CNTNAP2: variants seen among roughly 807,000 people sequenced by gnomAD.
CNTNAP2 encodes contactin-associated protein-like 2.
CNTNAP2 carries 98 observed loss-of-function variants against 155.2 expected under a neutral mutation model. That is an observed-to-expected ratio of 0.63 (90% CI 0.54 to 0.75). CNTNAP2 has a LOEUF of 0.75. CNTNAP2 is among the 30% of genes least tolerant of loss of function. The pLI is 0.00. For missense variants in CNTNAP2, 1,727 were observed against 1,688.1 expected (o/e 1.02, Z -0.40); for synonymous variants, 651 against 631.2 (o/e 1.03, Z -0.47).
intron 14 of CNTNAP2, among the ~76,000 whole-genome samples, chr7:147,918,916 G>A (rs1415384938): frequency 6.6e-6 from 1 of 152,104 alleles, no homozygotes; most frequent in Admixed American, 6.6e-5. Flanking sequence ...GTGGCAGAAG[G>A]GACTTTGCAG....
At chr7:146,741,207 A>G (rs1354509846) in intron 1 of CNTNAP2, among the ~76,000 whole-genome samples, 2 of 152,184 alleles carry the variant, frequency 1.3e-5, no homozygotes, top group African/African-American at 2.4e-5. Context: ...TTGTACTACA[A>G]CGAGGCACTG....
At chr7:147,809,226 C>CTCCTTG (rs1798142705) in intron 13 of CNTNAP2, among the ~76,000 whole-genome samples, 1 of 152,142 alleles carries the variant, frequency 6.6e-6, no homozygotes, top group East Asian at 1.9e-4. Flanking sequence ...TCTGTTTTCT[C>CTCCTTG]TCCTTGTTTC....
At chr7:147,779,292 C>G (rs190384766) in intron 13 of CNTNAP2, among the ~76,000 whole-genome samples, 1 of 152,068 alleles carries the variant, frequency 6.6e-6, no homozygotes, top group Non-Finnish European at 1.5e-5. Flanking sequence ...GGATTGAAGA[C>G]GGGAGATTAG....
chr7:146,658,435 T>A (rs952814703), intron 1 of CNTNAP2, among the ~76,000 whole-genome samples: 3 of 151,484 alleles, frequency 2.0e-5, no homozygotes, highest in Non-Finnish European at 2.9e-5. Context: ...AGTATTCAGC[T>A]AAAAGGAATA....
At chr7:147,683,653 C>T (rs1193661549) in intron 13 of CNTNAP2, among the ~76,000 whole-genome samples, 1 of 151,238 alleles carries the variant, frequency 6.6e-6, no homozygotes, top group African/African-American at 2.4e-5. Context: ...ATAAAAGATG[C>T]CTAACTAATA....
chr7:146,856,041 AC>A (rs1794975314), intron 3 of CNTNAP2, among the ~76,000 whole-genome samples: 1 of 149,862 alleles, frequency 6.7e-6, no homozygotes, highest in Admixed American at 6.7e-5. Flanking sequence ...GTTAAATTAA[AC>A]ACACCTTGTT....
At chr7:147,922,558 T>C (rs1800302391) in intron 14 of CNTNAP2, among the ~76,000 whole-genome samples, 1 of 152,202 alleles carries the variant, frequency 6.6e-6, no homozygotes, top group South Asian at 2.1e-4. Flanking sequence ...AGCTTAGATT[T>C]TTTTCTAGTG....
chr7:147,419,713 G>A (rs747394171), intron 10 of CNTNAP2, among the ~76,000 whole-genome samples: 17 of 152,112 alleles, frequency 1.1e-4, no homozygotes, highest in Admixed American at 2.0e-4. Context: ...CAGTGTTTTT[G>A]TAGGTGTTGG....
intron 11 of CNTNAP2, among the ~76,000 whole-genome samples, chr7:147,530,488 T>C (rs747105040): frequency 6.6e-6 from 1 of 152,084 alleles, no homozygotes; most frequent in Non-Finnish European, 1.5e-5. Flanking sequence ...GAAAGGCATT[T>C]CTTACATGGC....
intron 1 of CNTNAP2, among the ~76,000 whole-genome samples, chr7:146,690,134 C>A (rs563372671): frequency 4.6e-5 from 7 of 152,122 alleles, no homozygotes; most frequent in African/African-American, 1.7e-4. Context: ...TTCCTATCTG[C>A]AAGAATTCCA....
chr7:146,118,457 T>A (rs533885872), intron 1 of CNTNAP2, among the ~76,000 whole-genome samples: 1 of 152,280 alleles, frequency 6.6e-6, no homozygotes, highest in Admixed American at 6.5e-5. Context: ...GGGAAACTAG[T>A]TTGATGAAAT....
chr7:147,609,437 G>T (rs143679594), intron 12 of CNTNAP2, among the ~76,000 whole-genome samples: 2 of 152,022 alleles, frequency 1.3e-5, no homozygotes, highest in African/African-American at 4.8e-5. Context: ...AGGCTGAGGC[G>T]GGAGAATGGT....
chr7:147,509,262 C>T (rs1424181203), intron 11 of CNTNAP2, among the ~76,000 whole-genome samples: 2 of 152,080 alleles, frequency 1.3e-5, no homozygotes, highest in Admixed American at 6.6e-5. Context: ...CTGTGCAGAC[C>T]GTGTCATAGA....
At chr7:146,264,246 C>T (rs1799961103) in intron 1 of CNTNAP2, among the ~76,000 whole-genome samples, 1 of 151,978 alleles carries the variant, frequency 6.6e-6, no homozygotes, top group Admixed American at 6.5e-5. Context: ...GAGTTTGAAA[C>T]CAGTCTGGCC....
intron 3 of CNTNAP2, among the ~76,000 whole-genome samples, chr7:146,849,187 T>G (rs1056563445): frequency 7.9e-5 from 12 of 152,188 alleles, no homozygotes; most frequent in African/African-American, 2.9e-4. Context: ...ACCTTGGAGT[T>G]TATGCAGTCG....
In CNTNAP2 at chr7:146,721,890, T is replaced by TATATATA. The variant is rs1491454260; in HGVS notation, c.98-52381_98-52380insATATATA. 2.3e-3 allele frequency among the ~76,000 whole-genome samples: 171 copies of TATATATA among 75,584 alleles called. 25 individuals are homozygous for TATATATA. The highest frequency in any genetic ancestry group is 9.8e-3 in the African/African-American group (111 of 11,360). The allele number at this position is 75,584 out of a possible 152,430, so 49.6% of individuals were successfully genotyped here. On this transcript the variant is annotated intron_variant, in intron 1 of 23. Coordinates refer to ENST00000361727, the MANE Select transcript of CNTNAP2 (RefSeq NM_014141.6). ...GTGTGTGTGTGTATATATATATATATTTTTTTTTTTTTTTTTGAGATGGAA... is the reference window on the plus strand; with the variant it reads ...GTGTGTGTGTGTATATATATATATATATATATATTTTTTTTTTTTTTTTGAGATGGAA...
At chr7:146,512,562 T>G (rs371853148) in intron 1 of CNTNAP2, among the ~76,000 whole-genome samples, 1 of 151,972 alleles carries the variant, frequency 6.6e-6, no homozygotes, top group East Asian at 1.9e-4. Context: ...TTTAAGAGCA[T>G]GTTGCTTAAT....
intron 3 of CNTNAP2, among the ~76,000 whole-genome samples, chr7:146,849,901 A>T (rs1362578681): frequency 6.6e-6 from 1 of 152,140 alleles, no homozygotes; most frequent in Admixed American, 6.5e-5. Context: ...AATAACTTTA[A>T]ACAAAAGCCC....
chr7:146,406,260 G>A (rs943427470), intron 1 of CNTNAP2, among the ~76,000 whole-genome samples: 8 of 152,144 alleles, frequency 5.3e-5, no homozygotes, highest in African/African-American at 1.9e-4. Context: ...GCACTGTTTA[G>A]CAAATATCTT....
Sources: gnomAD v4.1 joint callset for allele counts (sites outside exome capture counted in the v4.1 genomes callset) on GRCh38, gnomAD v4.1.1 for gene constraint, MANE v1.5 for transcripts, NCBI Gene and HGNC (gene_info 2026-07-23, HGNC 2026-07-21) for gene names.